OR7E24: variants seen among roughly 807,000 people sequenced by gnomAD.
OR7E24 encodes the protein olfactory receptor 7E24.
For missense variants in OR7E24, 385 were observed against 410.3 expected (o/e 0.94, Z 0.53); for synonymous variants, 130 against 157.5 (o/e 0.83, Z 1.31).
the OR7E24 span, among the ~76,000 whole-genome samples, chr19:9,240,030 G>GT: frequency 2.0e-5 from 3 of 151,822 alleles, no homozygotes; most frequent in Non-Finnish European, 4.4e-5. Context: ...TGAATAGGTC[G>GT]TTTTTTCTTT....
At chr19:9,218,379 G>A in the OR7E24 span, among the ~76,000 whole-genome samples, 1 of 152,054 alleles carries the variant, frequency 6.6e-6, no homozygotes, top group African/African-American at 2.4e-5. Flanking sequence ...CACAAAAACA[G>A]GTCAGTAAAG....
chr19:9,221,517 C>CT, the OR7E24 span, among the ~76,000 whole-genome samples: 10 of 128,564 alleles, frequency 7.8e-5, 1 homozygote, highest in Admixed American at 3.5e-4. Context: ...CGCCCGGCTA[C>CT]TTTTTTGTAT....
chr19:9,242,642 G>A (rs1253648844), upstream of OR7E24, among the ~76,000 whole-genome samples: 1 of 152,170 alleles, frequency 6.6e-6, no homozygotes, highest in Non-Finnish European at 1.5e-5. Flanking sequence ...GCAACTTGAC[G>A]TTGAGACCAC....
At chr19:9,219,980 A>G in the OR7E24 span, among the ~76,000 whole-genome samples, 1 of 152,264 alleles carries the variant, frequency 6.6e-6, no homozygotes, top group South Asian at 2.1e-4. Flanking sequence ...TGGAGATTTT[A>G]TGGATCCCTC....
the OR7E24 span, among the ~76,000 whole-genome samples, chr19:9,219,790 A>G: frequency 1.3e-5 from 2 of 152,220 alleles, no homozygotes; most frequent in Non-Finnish European, 2.9e-5. Flanking sequence ...GAAATTTTTC[A>G]GTTAATTTTG....
chr19:9,232,499 C>G, the OR7E24 span, among the ~76,000 whole-genome samples: 1 of 140,952 alleles, frequency 7.1e-6, no homozygotes, highest in Non-Finnish European at 1.5e-5. Context: ...GATCGCGCCA[C>G]TGCACTGCAG....
the OR7E24 span, among the ~76,000 whole-genome samples, chr19:9,231,999 G>C: frequency 6.6e-6 from 1 of 152,142 alleles, no homozygotes; most frequent in Admixed American, 6.5e-5. Flanking sequence ...AAATTACTTA[G>C]GCAGCTAGTG....
Position 9,251,180 on chromosome 19 carries a change from C to T in OR7E24, c.137C>T (p.Ala46Val), listed in dbSNP as rs1307984575. ...SEDPELQPVL[A>V]GLFLSMYLVT... is the part of the protein sequence containing the mutation. ...GATCCAGAACTGCAGCCGGTCCTCGCTGGGCTGTTCCTGTCCATGTACCTG... is the reference window on the plus strand; with the variant it reads ...GATCCAGAACTGCAGCCGGTCCTCGTTGGGCTGTTCCTGTCCATGTACCTG... The change falls in exon 1 of 1, where the codon GCT (alanine) becomes GTT (valine). Residue 46 changes from alanine (A) to valine (V), a missense_variant. By Grantham distance (64) the Ala-to-Val change is moderately conservative (BLOSUM62 0). Coordinates refer to ENST00000456448, the MANE Select transcript of OR7E24 (RefSeq NM_001079935.2). 1 of 1,614,012 alleles carries T rather than the reference C, an allele frequency of 6.2e-7. No homozygotes were observed. The highest frequency in any genetic ancestry group is 8.5e-7 in the Non-Finnish European group (1 of 1,179,964).
Position 9,251,333 on chromosome 19 carries a change from C to G in OR7E24, c.290C>G (p.Pro97Arg), listed in dbSNP as rs758192964. Reference protein sequence around the residue: ...ADIGFTSTTVPKMIVDMQTHS... With the variant: ...ADIGFTSTTVRKMIVDMQTHS... ...ATCGGTTTCACCTCCACCACGGTCC[C>G]CAAGATGATTGTGGACATGCAAACT... The change falls in exon 1 of 1, where the codon CCC (proline) becomes CGC (arginine). Residue 97 changes from proline to arginine, a missense_variant. Transcript: ENST00000456448. 6.2e-7 allele frequency: 1 copy of G among 1,613,798 alleles called. No homozygotes were observed. The highest frequency in any genetic ancestry group is 1.3e-5 in the African/African-American group (1 of 74,904).
At chr19:9,216,740 C>T in the OR7E24 span, among the ~76,000 whole-genome samples, 1 of 152,056 alleles carries the variant, frequency 6.6e-6, no homozygotes, top group African/African-American at 2.4e-5. Flanking sequence ...CACAGGCATG[C>T]ACCACCATGC....
At chr19:9,219,537 T>G in the OR7E24 span, 1 of 152,188 alleles carries the variant, frequency 6.6e-6, no homozygotes, top group Non-Finnish European at 1.5e-5. Flanking sequence ...TCACACTAAC[T>G]CTGATGGTTA....
upstream of OR7E24, among the ~76,000 whole-genome samples, chr19:9,247,107 C>A (rs1688328899): frequency 1.3e-5 from 2 of 152,016 alleles, no homozygotes; most frequent in African/African-American, 4.8e-5. Context: ...GTAGACAGAT[C>A]TTAATAAAAA....
At chr19:9,227,749 CTTTTTTTTTT>C in the OR7E24 span, among the ~76,000 whole-genome samples, 22 of 107,904 alleles carry the variant, frequency 2.0e-4, no homozygotes, top group Admixed American at 1.4e-3. Context: ...AATGGTATTT[CTTTTTTTTTT>C]TTTTTTTTTT....
the OR7E24 span, among the ~76,000 whole-genome samples, chr19:9,221,433 C>T: frequency 7.2e-6 from 1 of 139,434 alleles, no homozygotes; most frequent in East Asian, 2.3e-4. Flanking sequence ...TCGCTGCAAG[C>T]TCCGCCTCCC....
At chr19:9,246,047 TTA>T (rs1313073073), upstream of OR7E24, among the ~76,000 whole-genome samples, 8 of 149,532 alleles carry the variant, frequency 5.4e-5, no homozygotes, top group Non-Finnish European at 1.0e-4. Context: ...AATTTGCTTA[TTA>T]TATCAATGTG....
rs1337407420 is a variant in OR7E24 at position 9,251,962 on chromosome 19, A to G, written c.919A>G (p.Ile307Val). The change falls in exon 1 of 1, where the codon ATC becomes GTC. Residue 307 changes from isoleucine (I) to valine (V), a missense_variant. Coordinates refer to ENST00000456448, the MANE Select transcript of OR7E24 (RefSeq NM_001079935.2). ...TVVTPMLNPF[I>V]YSLRNKDIQS... ...GGTCACCCCCATGCTGAACCCCTTCATCTACAGCCTGAGGAACAAGGACAT... is the reference window on the plus strand; with the variant it reads ...GGTCACCCCCATGCTGAACCCCTTCGTCTACAGCCTGAGGAACAAGGACAT... 6.2e-7 allele frequency: 1 copy of G among 1,614,146 alleles called. No individual in the cohort carries two copies. Among genetic ancestry groups the G allele is most frequent in the Non-Finnish European group, 8.5e-7 (1 of 1,180,010 alleles).
chr19:9,228,048 C>T, the OR7E24 span, among the ~76,000 whole-genome samples: 419 of 152,258 alleles, frequency 2.8e-3, 3 homozygotes, highest in African/African-American at 9.5e-3. Context: ...CCACAGCGCC[C>T]GGCCAGAATG....
chr19:9,235,570 C>G, the OR7E24 span: 3 of 1,555,408 alleles, frequency 1.9e-6, no homozygotes, highest in South Asian at 3.3e-5. Context: ...TCTCTGTGGC[C>G]TCCTGGTTCT....
the OR7E24 span, chr19:9,219,172 A>T: frequency 6.6e-6 from 1 of 152,264 alleles, no homozygotes; most frequent in East Asian, 1.9e-4. Flanking sequence ...AGAAAAATCC[A>T]ATCACATTAG....
Sources: allele counts gnomAD v4.1 joint callset (sites outside exome capture counted in the v4.1 genomes callset), GRCh38; gene constraint gnomAD v4.1.1; transcripts MANE v1.5; gene names NCBI Gene and HGNC (gene_info 2026-07-23, HGNC 2026-07-21).